MAP6: variants seen among roughly 807,000 people sequenced by gnomAD.
The protein encoded by MAP6 is microtubule-associated protein 6.
A neutral mutation model predicts 42.4 loss-of-function variants in MAP6; 26 were observed. That is an observed-to-expected ratio of 0.61 (90% confidence interval 0.45 to 0.85). MAP6 has a LOEUF of 0.85. Ranked by LOEUF, MAP6 falls within the 40% of genes least tolerant of loss-of-function variation. The probability of loss-of-function intolerance (pLI) is 0.00; values close to 1 mark genes in which losing one functional copy is unlikely to be tolerated. For synonymous variants in MAP6, 418 were observed against 443.8 expected (o/e 0.94, Z 0.73); for missense variants, 966 against 1,099.0 (o/e 0.88, Z 1.71).
In MAP6 at chr11:75,668,192, G is replaced by T. The variant is rs947007990; in HGVS notation, c.178C>A (p.Pro60Thr). The T allele has an allele frequency of 1.7e-5, 21 of 1,248,066 alleles. 1 individual carries two copies. The Admixed American group carries it at 7.4e-4, about 44-fold the overall frequency. 77.3% of individuals were successfully genotyped at this position (1,248,066 alleles called of 1,614,324 possible). A position where few individuals can be genotyped will look rare whatever the true frequency, so the allele number is the denominator to read the frequency against. The part of the protein sequence containing the change: ...QQQAQPALAP[P>T]SARAVAIETQ... ...TCTATGGCAACCGCGCGCGCCGAGGGGGGCGCGAGCGCCGGCTGCGCCTGC... is the reference window on the plus strand; with the variant it reads ...TCTATGGCAACCGCGCGCGCCGAGGTGGGCGCGAGCGCCGGCTGCGCCTGC... Residue 60 changes from proline to threonine, a missense_variant, in exon 1 of 4, where the codon CCC becomes ACC. This residue lies in a region of MAP6 where 943 missense variants were observed against 1,049.9 expected (regional missense o/e 0.90). Transcript: ENST00000304771.
In MAP6 at chr11:75,618,599, T is replaced by TA. The variant is rs561539674; in HGVS notation, c.906-10278dup. On this transcript the variant is annotated intron_variant, in intron 1 of 3. Coordinates refer to ENST00000304771, the MANE Select transcript of MAP6 (RefSeq NM_033063.2). ...CCAGCCTGGGCAACAAAGTGAGACTTAAAAAAAAAAAAATTGACTCTTATC... is the reference window on the plus strand; with the variant it reads ...CCAGCCTGGGCAACAAAGTGAGACTTAAAAAAAAAAAAAATTGACTCTTATC... 4.4e-3 allele frequency among the ~76,000 whole-genome samples: 637 copies of TA among 144,598 alleles called. 1 individual carries two copies. The highest frequency in any genetic ancestry group is 0.012 in the African/African-American group (491 of 39,508). 94.9% of individuals were successfully genotyped at this position (144,598 alleles called of 152,430 possible).
chr11:75,640,824 T>C (rs1943454892), intron 1 of MAP6, among the ~76,000 whole-genome samples: 1 of 152,070 alleles, frequency 6.6e-6, no homozygotes, highest in Admixed American at 6.6e-5. Context: ...CATTAAAAAG[T>C]CAGGAAACAA....
At chr11:75,622,669 T>G (rs968457064) in intron 1 of MAP6, among the ~76,000 whole-genome samples, 2 of 152,182 alleles carry the variant, frequency 1.3e-5, no homozygotes, top group African/African-American at 4.8e-5. Flanking sequence ...GATCTAGAAT[T>G]GCCAAAACAA....
chr11:75,607,289 T>C, intron 2 of MAP6: 6 of 985,424 alleles, frequency 6.1e-6, no homozygotes, highest in Non-Finnish European at 7.2e-6. Context: ...GAGAAAAGGA[T>C]AATTAGGTTC....
At chr11:75,614,293 C>G (rs1942958844) in intron 1 of MAP6, among the ~76,000 whole-genome samples, 1 of 152,186 alleles carries the variant, frequency 6.6e-6, no homozygotes, top group South Asian at 2.1e-4. Context: ...CATCTCATGG[C>G]ATCCATATAA....
chr11:75,623,735 A>G (rs12271342), intron 1 of MAP6, among the ~76,000 whole-genome samples: 2,730 of 152,220 alleles, frequency 0.018, 87 homozygotes, highest in African/African-American at 0.063. Flanking sequence ...TTTGAGATGG[A>G]GTCTCGCTCT....
chr11:75,628,840 A>G (rs749554158), intron 1 of MAP6, among the ~76,000 whole-genome samples: 1 of 152,238 alleles, frequency 6.6e-6, no homozygotes, highest in Non-Finnish European at 1.5e-5. Context: ...GATGAGCTGC[A>G]TTTGTTGAAC....
In MAP6 at chr11:75,605,927, G is replaced by A. The variant is rs572444770; in HGVS notation, c.1197C>T (p.Asp399=). The A allele has an allele frequency of 1.2e-6, 2 of 1,614,140 alleles. No individual in the cohort carries two copies. Among genetic ancestry groups the A allele is most frequent in the East Asian group, 2.2e-5 (1 of 44,874 alleles). ...ASHKPTRKAK[D]KQAVSGQAAK... ...CAGCCTGGCCTGACACCGCCTGCTT[G>A]TCTTTGGCCTTCCTCGTGGGCTTAT... The change falls in exon 3 of 4, where the codon GAC becomes GAT. Residue 399 remains aspartate (D), a synonymous_variant. Coordinates refer to ENST00000304771, the MANE Select transcript of MAP6 (RefSeq NM_033063.2).
intron 1 of MAP6, among the ~76,000 whole-genome samples, chr11:75,623,844 C>A (rs2135619666): frequency 6.6e-6 from 1 of 152,304 alleles, no homozygotes. Context: ...GCATGAAATA[C>A]CACTTCTATT....
At chr11:75,595,842 C>T (rs1442104109) in intron 3 of MAP6, among the ~76,000 whole-genome samples, 1 of 151,194 alleles carries the variant, frequency 6.6e-6, no homozygotes, top group Admixed American at 6.6e-5. Flanking sequence ...CTCTTTCCCT[C>T]TCTCCCTCCC....
At chr11:75,602,866 T>C in intron 3 of MAP6, 1 of 985,644 alleles carries the variant, frequency 1.0e-6, no homozygotes, top group Non-Finnish European at 1.2e-6. Context: ...AAAGTGGTGT[T>C]CGTCTTTAGC....
At position 75,667,808 on chromosome 11, in the gene MAP6, C is replaced by T. The variant is rs766655422; in HGVS notation, c.562G>A (p.Ala188Thr). ...VQISAASQASAPILGAPKRRP... is the reference protein window; with the variant it reads ...VQISAASQASTPILGAPKRRP... ...CGCTTGGGCGCCCCGAGAATGGGCG[C>T]CGACGCCTGGGAGGCCGCAGAGATC... Residue 188 changes from alanine (A) to threonine (T), a missense_variant, in exon 1 of 4, where the codon GCG becomes ACG. Physicochemically the swap from Ala to Thr is moderately conservative, Grantham distance 58. This residue lies in a region of MAP6 where 943 missense variants were observed against 1,049.9 expected (regional missense o/e 0.90). Coordinates refer to ENST00000304771, the MANE Select transcript of MAP6 (RefSeq NM_033063.2). The surrounding 1 kb of genome is among the most constrained non-coding windows in gnomAD (Gnocchi z 5.6). 16 of 1,312,586 alleles carry T rather than the reference C, an allele frequency of 1.2e-5. No homozygotes were observed. In the African/African-American group the frequency reaches 2.3e-4, roughly 19 times the overall value. 81.3% of individuals were successfully genotyped at this position (1,312,586 alleles called of 1,614,324 possible). A position where few individuals can be genotyped will look rare whatever the true frequency, so the allele number is the denominator to read the frequency against.
At chr11:75,590,563 T>A (rs1942459901) in intron 3 of MAP6, among the ~76,000 whole-genome samples, 1 of 152,250 alleles carries the variant, frequency 6.6e-6, no homozygotes, top group African/African-American at 2.4e-5. Flanking sequence ...TTTGCATGGA[T>A]ACATAACCCC....
At chr11:75,657,267 C>A (rs971815134) in intron 1 of MAP6, among the ~76,000 whole-genome samples, 1 of 152,116 alleles carries the variant, frequency 6.6e-6, no homozygotes, top group South Asian at 2.1e-4. Context: ...CCCACCACCA[C>A]GCCCAGCTAA....
At position 75,667,826 on chromosome 11, in the gene MAP6, C is replaced by A; in HGVS notation, c.544G>T (p.Ala182Ser). The A allele has an allele frequency of 7.5e-7, 1 of 1,342,076 alleles. No individual in the cohort carries two copies. The highest frequency in any genetic ancestry group is 9.6e-7 in the Non-Finnish European group (1 of 1,045,258). The allele number at this position is 1,342,076 out of a possible 1,614,324, so 83.1% of individuals were successfully genotyped here. ...ATGGGCGCCGACGCCTGGGAGGCCG[C>A]AGAGATCTGCACGGGCTTGGGGATC... The part of the protein sequence containing the change: ...PWIPKPVQIS[A>S]ASQASAPILG... Residue 182 changes from alanine (A) to serine (S), a missense_variant, in exon 1 of 4, where the codon GCG becomes TCG. Ala to Ser is a moderately conservative substitution (Grantham distance 99, BLOSUM62 1). Around this residue, in one of 2 missense-constraint regions of MAP6, gnomAD observed 943 missense variants for 1,049.9 expected, o/e 0.90. Coordinates refer to ENST00000304771, the MANE Select transcript of MAP6 (RefSeq NM_033063.2). The surrounding 1 kb of genome is among the most constrained non-coding windows in gnomAD (Gnocchi z 5.6).
intron 1 of MAP6, among the ~76,000 whole-genome samples, chr11:75,653,852 T>C (rs1943692331): frequency 6.6e-6 from 1 of 152,326 alleles, no homozygotes; most frequent in South Asian, 2.1e-4. Flanking sequence ...AGGACCTCTG[T>C]ATATTAGCCA....
Position 75,668,426 on chromosome 11 carries a change from T to C in MAP6, c.-57A>G. 1 of 1,528,808 alleles carries C rather than the reference T, an allele frequency of 6.5e-7. No individual in the cohort carries two copies. The highest frequency in any genetic ancestry group is 8.7e-7 in the Non-Finnish European group (1 of 1,144,162). The allele number at this position is 1,528,808 out of a possible 1,614,324, so 94.7% of individuals were successfully genotyped here. A position where few individuals can be genotyped will look rare whatever the true frequency, so the allele number is the denominator to read the frequency against. ...TTCTTGTGGTTCTAAAGCAAGTCTCTATAATCTTCCTTCAGCCTCCGATCC... is the reference window on the plus strand; with the variant it reads ...TTCTTGTGGTTCTAAAGCAAGTCTCCATAATCTTCCTTCAGCCTCCGATCC... On this transcript the variant is annotated 5_prime_UTR_variant, in exon 1 of 4. In the 5' UTR this introduces an upstream ATG that the reference lacks. Transcript: ENST00000304771.
Position 75,587,879 on chromosome 11 carries a change from C to CTTTGATTCT in MAP6, c.1613_1621dup (p.Lys538_Gln540dup). The stretch of plus-strand genomic sequence containing the variant: ...CTTAACTTTTGCTGGAACCATAGGA[C>CTTTGATTCT]TTTGATTCTTTGGAGGAACTGGGAC... On this transcript the variant is annotated inframe_insertion, in exon 4 of 4. Transcript: ENST00000304771. The CTTTGATTCT allele has an allele frequency of 6.2e-7, 1 of 1,614,156 alleles. No individual in the cohort carries two copies. Among genetic ancestry groups the CTTTGATTCT allele is most frequent in the Non-Finnish European group, 8.5e-7 (1 of 1,180,030 alleles).
intron 1 of MAP6, among the ~76,000 whole-genome samples, chr11:75,659,491 A>G (rs1296381564): frequency 6.6e-6 from 1 of 152,262 alleles, no homozygotes; most frequent in Non-Finnish European, 1.5e-5. Flanking sequence ...AAGCTCTAAC[A>G]GGGAAGTAAC....
Sources: gnomAD v4.1 joint callset for allele counts (sites outside exome capture counted in the v4.1 genomes callset) on GRCh38, gnomAD v4.1.1 for gene constraint, gnomAD v4.1.1 regional missense constraint, Gnocchi (gnomAD v3.1) non-coding constraint, MANE v1.5 for transcripts, NCBI Gene and HGNC (gene_info 2026-07-23, HGNC 2026-07-21) for gene names.